The following BRINP3 variants were observed in gnomAD, a reference collection of about 807,000 sequenced individuals.
The protein encoded by BRINP3 is BMP/retinoic acid inducible neural specific 3.
Under a neutral mutation model 71.0 loss-of-function variants are expected in BRINP3, and 19 were observed. That is an observed-to-expected ratio of 0.27 (90% CI 0.19 to 0.39). BRINP3 has a LOEUF of 0.39. Among genes scored for constraint, BRINP3 ranks in the 10% least tolerant of loss-of-function variants. The pLI, the probability that BRINP3 is intolerant of heterozygous loss-of-function variation, is 1.00. For missense variants in BRINP3, 959 were observed against 940.8 expected (o/e 1.02, Z -0.25); for synonymous variants, 380 against 337.7 (o/e 1.13, Z -1.37).
intron 4 of BRINP3, among the ~76,000 whole-genome samples, chr1:190,245,468 C>G (rs943913238): frequency 1.3e-5 from 2 of 151,972 alleles, no homozygotes; most frequent in African/African-American, 4.8e-5. Flanking sequence ...GGCCCAAACT[C>G]TCTGCAATAT....
Position 190,112,762 on chromosome 1 carries a change from C to A in BRINP3, c.1185-13628G>T, listed in dbSNP as rs1652800274. ...TAAATGATCTGAAGCTCAGCATTTC[C>A]CTAGTCCTCTAAATTGGAAGAAAAT... On this transcript the variant is annotated intron_variant, in intron 7 of 7. Coordinates refer to ENST00000367462, the MANE Select transcript of BRINP3 (RefSeq NM_199051.3). Among the ~76,000 whole-genome samples the A allele has an allele frequency of 2.6e-5, 4 of 152,014 alleles. No homozygotes were observed. In the South Asian group the frequency reaches 8.3e-4, roughly 32 times the overall value.
At chr1:190,349,476 T>C (rs1266523571) in intron 2 of BRINP3, among the ~76,000 whole-genome samples, 1 of 152,112 alleles carries the variant, frequency 6.6e-6, no homozygotes, top group East Asian at 1.9e-4. Flanking sequence ...AAATTAAGGA[T>C]ATAAATCTGT....
chr1:190,406,749 C>T (rs183499599), intron 2 of BRINP3, among the ~76,000 whole-genome samples: 3 of 151,998 alleles, frequency 2.0e-5, no homozygotes, highest in Admixed American at 2.0e-4. Context: ...TCTAATAAAG[C>T]CCAAATAATT....
intron 2 of BRINP3, among the ~76,000 whole-genome samples, chr1:190,403,380 A>T (rs1392808290): frequency 6.6e-6 from 1 of 152,190 alleles, no homozygotes; most frequent in African/African-American, 2.4e-5. Context: ...TCATGTCCAC[A>T]CTGAAGCAGT....
intron 7 of BRINP3, among the ~76,000 whole-genome samples, chr1:190,140,216 T>C (rs1272193963): frequency 6.6e-6 from 1 of 152,190 alleles, no homozygotes; most frequent in Admixed American, 6.5e-5. Flanking sequence ...CTTTATTTCT[T>C]GCAAATATTG....
chr1:190,150,984 A>AC (rs1656341619), intron 7 of BRINP3, among the ~76,000 whole-genome samples: 1 of 152,058 alleles, frequency 6.6e-6, no homozygotes, highest in Admixed American at 6.6e-5. Context: ...CCCTGTCTCT[A>AC]CCAAAAATAT....
rs575616177 is a variant in BRINP3 at position 190,474,001 on chromosome 1, C to T, written c.-51+3447G>A. Among the ~76,000 whole-genome samples, 15 of 151,902 alleles carry T rather than the reference C, an allele frequency of 9.9e-5. No homozygotes were observed. In the South Asian group the frequency reaches 2.9e-3, roughly 30 times the overall value. ...GAATTAATTTGATAGTTCAAGAAAC[C>T]CTTAATAGTTCTTCACCTGTCCTTT... On this transcript the variant is annotated intron_variant, in intron 1 of 7. Transcript: ENST00000367462.
rs1674553817 is a variant in BRINP3, at chr1:190,437,656, G to A, written c.236+16999C>T. Among the ~76,000 whole-genome samples, 4 of 151,838 alleles carry A rather than the reference G, an allele frequency of 2.6e-5. No homozygotes were observed. In the South Asian group the frequency reaches 8.3e-4, roughly 31 times the overall value. Reference sequence around the variant, plus strand: ...TGTCTTATCAACAGATTGTCTTGATGTGATTTGGAAAAGTAAATATTCAAC... The same window carrying A: ...TGTCTTATCAACAGATTGTCTTGATATGATTTGGAAAAGTAAATATTCAAC... On this transcript the variant is annotated intron_variant, in intron 2 of 7. Transcript: ENST00000367462.
chr1:190,454,569 C>G, intron 2 of BRINP3, 86 bp downstream of exon 2: 1 of 1,045,500 alleles, frequency 9.6e-7, no homozygotes, highest in Admixed American at 2.4e-5. Flanking sequence ...ACCTTTTTCC[C>G]GTCTGAAACT....
intron 6 of BRINP3, among the ~76,000 whole-genome samples, chr1:190,177,898 T>C (rs1464447712): frequency 1.3e-5 from 2 of 152,198 alleles, no homozygotes; most frequent in East Asian, 1.9e-4. Context: ...ATCTGTACTG[T>C]ACATGTACAA....
At chr1:190,268,119 A>G (rs926464103) in intron 3 of BRINP3, among the ~76,000 whole-genome samples, 1 of 152,198 alleles carries the variant, frequency 6.6e-6, no homozygotes, top group Non-Finnish European at 1.5e-5. Flanking sequence ...AACTGGCTCA[A>G]TAGTAGGAAA....
chr1:190,305,593 G>A (rs1415040565), intron 2 of BRINP3, among the ~76,000 whole-genome samples: 3 of 151,590 alleles, frequency 2.0e-5, no homozygotes, highest in Admixed American at 6.6e-5. Context: ...AAGGAGAAGA[G>A]GGGGAGATGG....
chr1:190,375,137 A>G (rs1359701619), intron 2 of BRINP3, among the ~76,000 whole-genome samples: 1 of 152,006 alleles, frequency 6.6e-6, no homozygotes, highest in Non-Finnish European at 1.5e-5. Context: ...GTAATTTGGG[A>G]AAATACAACA....
intron 2 of BRINP3, among the ~76,000 whole-genome samples, chr1:190,366,998 G>T (rs894894546): frequency 6.6e-6 from 1 of 152,086 alleles, no homozygotes; most frequent in Non-Finnish European, 1.5e-5. Flanking sequence ...ACAGGTACAC[G>T]GTGCAAGCTG....
At chr1:190,422,229 G>A (rs1231833919) in intron 2 of BRINP3, among the ~76,000 whole-genome samples, 3 of 151,696 alleles carry the variant, frequency 2.0e-5, no homozygotes, top group African/African-American at 7.2e-5. Flanking sequence ...AAGTGTGCCT[G>A]CGTCCATTAA....
intron 2 of BRINP3, among the ~76,000 whole-genome samples, chr1:190,451,566 T>G (rs1376226246): frequency 6.6e-6 from 1 of 152,032 alleles, no homozygotes; most frequent in Non-Finnish European, 1.5e-5. Context: ...CTAAAAACAC[T>G]TTTAGAAATG....
chr1:190,135,050 C>T (rs959652340), intron 7 of BRINP3, among the ~76,000 whole-genome samples: 51 of 152,064 alleles, frequency 3.4e-4, no homozygotes, highest in African/African-American at 1.1e-3. Context: ...GAAGTGTCTG[C>T]CAATGCCTGG....
chr1:190,110,433 T>C (rs1310578539), intron 7 of BRINP3, among the ~76,000 whole-genome samples: 2 of 152,154 alleles, frequency 1.3e-5, no homozygotes, highest in African/African-American at 4.8e-5. Context: ...CCAGATAAAC[T>C]TTGGAAAAAA....
At chr1:190,315,992 T>C (rs1007696261) in intron 2 of BRINP3, among the ~76,000 whole-genome samples, 4 of 152,064 alleles carry the variant, frequency 2.6e-5, no homozygotes, top group South Asian at 2.1e-4. Flanking sequence ...CCAAGCATGA[T>C]ACATCAAAAC....
Sources: allele counts gnomAD v4.1 joint callset (sites outside exome capture counted in the v4.1 genomes callset), GRCh38; gene constraint gnomAD v4.1.1; transcripts MANE v1.5; gene names NCBI Gene and HGNC (gene_info 2026-07-23, HGNC 2026-07-21).